PRKN: variants seen among roughly 807,000 people sequenced by gnomAD.
PRKN encodes the protein parkin RBR E3 ubiquitin protein ligase, also known as E3 ubiquitin-protein ligase parkin.
PRKN carries 56 observed loss-of-function variants against 59.5 expected under a neutral mutation model. The observed-to-expected ratio is 0.94, with a 90% CI of 0.76 to 1.18. The LOEUF (loss-of-function observed/expected upper bound fraction) is 1.18. PRKN is among the 50% of genes most tolerant of loss of function. The probability of loss-of-function intolerance (pLI) is 0.00; values close to 1 mark genes in which losing one functional copy is unlikely to be tolerated. For missense variants in PRKN, 657 were observed against 596.4 expected (o/e 1.10, Z -1.06); for synonymous variants, 250 against 222.1 (o/e 1.13, Z -1.12).
intron 6 of PRKN, among the ~76,000 whole-genome samples, chr6:161,924,369 T>C (rs1236152683): frequency 6.6e-6 from 1 of 152,186 alleles, no homozygotes; most frequent in African/African-American, 2.4e-5. Context: ...TACTATAATT[T>C]ACTGGAAGTA....
intron 7 of PRKN, among the ~76,000 whole-genome samples, chr6:161,624,570 A>T (rs1333929903): frequency 6.6e-6 from 1 of 152,256 alleles, no homozygotes; most frequent in Non-Finnish European, 1.5e-5. Flanking sequence ...CCTTATAAGC[A>T]AAATTAGAAT....
intron 9 of PRKN, among the ~76,000 whole-genome samples, chr6:161,540,811 A>G (rs139878171): frequency 1.6e-4 from 25 of 152,260 alleles, no homozygotes; most frequent in African/African-American, 5.5e-4. Context: ...GTCCTATAGG[A>G]AAGAAATTGG....
At chr6:162,561,118 G>A (rs1285887734) in intron 1 of PRKN, among the ~76,000 whole-genome samples, 1 of 152,136 alleles carries the variant, frequency 6.6e-6, no homozygotes, top group Non-Finnish European at 1.5e-5. Context: ...AGTCAGTCTG[G>A]TGTGAGATGC....
intron 3 of PRKN, among the ~76,000 whole-genome samples, chr6:162,222,980 G>T (rs1415264500): frequency 6.6e-6 from 1 of 150,974 alleles, no homozygotes. Context: ...TTAGCATTAG[G>T]TATTTCTCCT....
In PRKN at chr6:162,238,547, C is replaced by T. The variant is rs534557473; in HGVS notation, c.412+23978G>A. Among the ~76,000 whole-genome samples, 196 of 152,204 alleles carry T rather than the reference C, an allele frequency of 1.3e-3. 1 individual carries two copies. Among genetic ancestry groups the T allele is most frequent in the African/African-American group, 4.3e-3 (180 of 41,516 alleles). ...ATACATAATTCTTAAAATAAAAACC[C>T]AAGGAAGACGTTAGTATTCCTTGTT... On this transcript the variant is annotated intron_variant, in intron 3 of 11. Coordinates refer to ENST00000366898, the MANE Select transcript of PRKN (RefSeq NM_004562.3).
At chr6:161,598,406 G>T (rs1269556431) in intron 7 of PRKN, among the ~76,000 whole-genome samples, 2 of 152,056 alleles carry the variant, frequency 1.3e-5, no homozygotes, top group Non-Finnish European at 2.9e-5. Context: ...AGAGAGAAAA[G>T]ACCTGTAAAT....
At chr6:162,028,124 G>A (rs569931459) in intron 5 of PRKN, among the ~76,000 whole-genome samples, 1 of 152,266 alleles carries the variant, frequency 6.6e-6, no homozygotes, top group African/African-American at 2.4e-5. Context: ...AGCTTCAACT[G>A]TGCTCTTTTA....
intron 5 of PRKN, among the ~76,000 whole-genome samples, chr6:161,985,195 C>T (rs1406980380): frequency 6.6e-6 from 1 of 152,112 alleles, no homozygotes; most frequent in African/African-American, 2.4e-5. Context: ...CCTAGCCCGA[C>T]AATAAAAGAA....
rs546120228 is a variant in PRKN, at chr6:161,592,904, G to A, written c.872-23488C>T. 1.3e-5 allele frequency among the ~76,000 whole-genome samples: 2 copies of A among 152,200 alleles called. No individual in the cohort carries two copies. Among genetic ancestry groups the A allele is most frequent in the Non-Finnish European group, 2.9e-5 (2 of 68,042 alleles). The stretch of plus-strand genomic sequence containing the variant: ...GGGCCAGATCGTGATGGTCTCAAGG[G>A]TTGAAGTTTAATTCCGAGAGTAGGG... On this transcript the variant is annotated intron_variant, in intron 7 of 11. Transcript: ENST00000366898. This position sits in a 1 kb window ranked among gnomAD's most constrained non-coding sequence, Gnocchi z 4.8.
At chr6:162,285,260 TTG>T (rs1341484919) in intron 2 of PRKN, among the ~76,000 whole-genome samples, 2 of 148,772 alleles carry the variant, frequency 1.3e-5, no homozygotes, top group African/African-American at 5.0e-5. Flanking sequence ...CACAGATATT[TTG>T]GAGATTTTTT....
At chr6:161,963,453 G>C (rs1780462016) in intron 6 of PRKN, among the ~76,000 whole-genome samples, 1 of 152,212 alleles carries the variant, frequency 6.6e-6, no homozygotes, top group African/African-American at 2.4e-5. Context: ...GAAGGTCACT[G>C]GCTGACATTA....
At position 161,502,021 on chromosome 6, in the gene PRKN, A is replaced by G. The variant is rs1402187299; in HGVS notation, c.1083+46833T>C. Among the ~76,000 whole-genome samples, 1 of 152,216 alleles carries G rather than the reference A, an allele frequency of 6.6e-6. No individual in the cohort carries two copies. Among genetic ancestry groups the G allele is most frequent in the Admixed American group, 6.5e-5 (1 of 15,286 alleles). On this transcript the variant is annotated intron_variant, in intron 9 of 11. Coordinates refer to ENST00000366898, the MANE Select transcript of PRKN (RefSeq NM_004562.3). This position sits in a 1 kb window ranked among gnomAD's most constrained non-coding sequence, Gnocchi z 4.0. ...GAGAGAAAGTCTGCATGTCTTAGTT[A>G]TCAGCCATGTGAGAAGGAATACCTG...
At chr6:161,404,318 T>C (rs956789105) in intron 9 of PRKN, among the ~76,000 whole-genome samples, 2 of 152,150 alleles carry the variant, frequency 1.3e-5, no homozygotes, top group African/African-American at 4.8e-5. Context: ...CACAGGCACC[T>C]AGACAGAAAA....
At chr6:161,496,728 C>A (rs1777765078) in intron 9 of PRKN, among the ~76,000 whole-genome samples, 1 of 152,088 alleles carries the variant, frequency 6.6e-6, no homozygotes, top group Non-Finnish European at 1.5e-5. Context: ...TAAGGTCATA[C>A]CAAAGTAGGT....
chr6:162,274,090 A>T lies in PRKN; in HGVS notation c.172-11325T>A, dbSNP rs1410059917. On this transcript the variant is annotated intron_variant, in intron 2 of 11. Coordinates refer to ENST00000366898, the MANE Select transcript of PRKN (RefSeq NM_004562.3). ...TTTAATTTTTTCCAAATCTGTTTGA[A>T]TCGAGATCCAAACAAGTCCATATTT... Among the ~76,000 whole-genome samples, 4 of 152,122 alleles carry T rather than the reference A, an allele frequency of 2.6e-5. No homozygotes were observed. The East Asian group carries it at 7.7e-4, about 29-fold the overall frequency.
At chr6:161,412,801 TTCAC>T (rs1042591430) in intron 9 of PRKN, among the ~76,000 whole-genome samples, 2 of 142,814 alleles carry the variant, frequency 1.4e-5, no homozygotes, top group Admixed American at 6.9e-5. Flanking sequence ...CACTCATTCC[TTCAC>T]TCACTCATTC....
chr6:161,948,636 C>A (rs763778535), intron 6 of PRKN, among the ~76,000 whole-genome samples: 15 of 152,114 alleles, frequency 9.9e-5, no homozygotes, highest in Non-Finnish European at 1.8e-4. Flanking sequence ...GAGACCTGGA[C>A]AGGAGTCAGC....
At chr6:162,306,291 T>C (rs1782221755) in intron 2 of PRKN, among the ~76,000 whole-genome samples, 1 of 152,262 alleles carries the variant, frequency 6.6e-6, no homozygotes, top group Admixed American at 6.5e-5. Flanking sequence ...ATGATGGTTC[T>C]AAGGGGCTGC....
intron 1 of PRKN, among the ~76,000 whole-genome samples, chr6:162,589,784 T>C (rs1781227908): frequency 6.6e-6 from 1 of 152,228 alleles, no homozygotes; most frequent in South Asian, 2.1e-4. Flanking sequence ...CAACTCTGTT[T>C]GTTTTCTCAC....
Sources: gnomAD v4.1 joint callset for allele counts (sites outside exome capture counted in the v4.1 genomes callset) on GRCh38, gnomAD v4.1.1 for gene constraint, Gnocchi (gnomAD v3.1) non-coding constraint, MANE v1.5 for transcripts, NCBI Gene and HGNC (gene_info 2026-07-23, HGNC 2026-07-21) for gene names.